Variants in BDKRB1 observed in about 807,000 individuals in gnomAD.
BDKRB1 encodes the protein bradykinin receptor B1.
For synonymous variants in BDKRB1, 192 were observed against 189.1 expected (o/e 1.02, Z -0.13); for missense variants, 414 against 441.4 (o/e 0.94, Z 0.56).
At chr14:96,258,284 A>G (rs1169972304) in intron 1 of BDKRB1, among the ~76,000 whole-genome samples, 2 of 152,094 alleles carry the variant, frequency 1.3e-5, no homozygotes, top group African/African-American at 2.4e-5. Context: ...ACAAGAATGT[A>G]TTTTCTTCAG....
intron 1 of BDKRB1, among the ~76,000 whole-genome samples, chr14:96,257,704 TG>T: frequency 6.6e-6 from 1 of 152,312 alleles, no homozygotes; most frequent in African/African-American, 2.4e-5. Context: ...TGCCAGCCTC[TG>T]TCACCATAGA....
intron 1 of BDKRB1, among the ~76,000 whole-genome samples, chr14:96,258,340 T>G (rs774545469): frequency 3.3e-5 from 5 of 152,218 alleles, no homozygotes; most frequent in Non-Finnish European, 5.9e-5. Flanking sequence ...GCCTGAAATC[T>G]TTTTTCCACA....
rs540558937 is a variant in BDKRB1 at position 96,264,436 on chromosome 14, A to T, written c.754A>T (p.Ile252Phe). 1 of 1,614,178 alleles carries T rather than the reference A, an allele frequency of 6.2e-7. No individual in the cohort carries two copies. The highest frequency in any genetic ancestry group is 1.7e-5 in the Admixed American group (1 of 60,024). ...GRKDSKTTALILTLVVAFLVC... is the reference protein window; with the variant it reads ...GRKDSKTTALFLTLVVAFLVC... ...CAAGGATAGCAAGACCACAGCGCTG[A>T]TCCTCACGCTCGTGGTTGCCTTCCT... Residue 252 changes from isoleucine (I) to phenylalanine (F), a missense_variant, in exon 3 of 3, where the codon ATC becomes TTC. Ile to Phe is a conservative substitution (Grantham distance 21, BLOSUM62 0). Coordinates refer to ENST00000216629, the MANE Select transcript of BDKRB1 (RefSeq NM_000710.4).
intron 2 of BDKRB1, among the ~76,000 whole-genome samples, chr14:96,262,979 C>T (rs1885792646): frequency 6.6e-6 from 1 of 152,180 alleles, no homozygotes; most frequent in East Asian, 1.9e-4. Flanking sequence ...ACTGTCCCCA[C>T]CCCGGCCACC....
Position 96,264,340 on chromosome 14 carries a change from T to C in BDKRB1, c.658T>C (p.Phe220Leu). The change falls in exon 3 of 3, where the codon TTC becomes CTC. Residue 220 changes from phenylalanine (F) to leucine (L), a missense_variant. Transcript: ENST00000216629. Reference sequence around the variant, plus strand: ...CCTCCTACCACTGGCTGCGATCGTCTTCTTCAACTACCACATCCTGGCCTC... The same window carrying C: ...CCTCCTACCACTGGCTGCGATCGTCCTCTTCAACTACCACATCCTGGCCTC... ...GFLLPLAAIVFFNYHILASLR... is the reference protein window; with the variant it reads ...GFLLPLAAIVLFNYHILASLR... The C allele has an allele frequency of 6.2e-7, 1 of 1,614,216 alleles. No individual in the cohort carries two copies. Among genetic ancestry groups the C allele is most frequent in the Non-Finnish European group, 8.5e-7 (1 of 1,180,032 alleles).
At position 96,262,695 on chromosome 14, in the gene BDKRB1, A is replaced by G. The variant is rs999039715; in HGVS notation, c.-86A>G. 6.8e-6 allele frequency: 3 copies of G among 443,578 alleles called. No homozygotes were observed. Among genetic ancestry groups the G allele is most frequent in the South Asian group, 1.6e-5 (1 of 63,752 alleles). 27.5% of individuals were successfully genotyped at this position (443,578 alleles called of 1,614,324 possible). A position where few individuals can be genotyped will look rare whatever the true frequency, so the allele number is the denominator to read the frequency against. On this transcript the variant is annotated 5_prime_UTR_variant, in exon 2 of 3. Coordinates refer to ENST00000216629, the MANE Select transcript of BDKRB1 (RefSeq NM_000710.4). ...CAGACTGAAGTGCAGTGGCACAATC[A>G]TAGCTCGCTGCAGCCTCGACCTTCC...
Position 96,257,826 on chromosome 14 carries a change from A to T in BDKRB1, c.-130+1526A>T, listed in dbSNP as rs1236884800. 2.0e-5 allele frequency among the ~76,000 whole-genome samples: 3 copies of T among 151,646 alleles called. No homozygotes were observed. In the East Asian group the frequency reaches 5.8e-4, roughly 29 times the overall value. ...TCAAAAATTATTTCCCCCAAAAATT[A>T]GTATTTACAGGTAGAAAGAGAGAGG... On this transcript the variant is annotated intron_variant, in intron 1 of 2. Coordinates refer to ENST00000216629, the MANE Select transcript of BDKRB1 (RefSeq NM_000710.4).
In BDKRB1 at chr14:96,263,799, G is replaced by A; in HGVS notation, c.117G>A (p.Val39=). ...APEAWDLLHR[V]LPTFIISICF... is the part of the protein sequence containing the mutation. ...AAGCCTGGGACCTGCTGCACAGAGT[G>A]CTGCCAACATTTATCATCTCCATCT... Residue 39 remains valine, a synonymous_variant, in exon 3 of 3, where the codon GTG becomes GTA. Coordinates refer to ENST00000216629, the MANE Select transcript of BDKRB1 (RefSeq NM_000710.4). 1 of 1,614,208 alleles carries A rather than the reference G, an allele frequency of 6.2e-7. No individual in the cohort carries two copies. Among genetic ancestry groups the A allele is most frequent in the Non-Finnish European group, 8.5e-7 (1 of 1,180,028 alleles).
intron 1 of BDKRB1, among the ~76,000 whole-genome samples, 199 bp downstream of exon 1, chr14:96,256,499 G>C (rs1011114004): frequency 1.3e-5 from 2 of 152,102 alleles, no homozygotes; most frequent in African/African-American, 2.4e-5. Context: ...GGTCTTAATT[G>C]CTTTTCCAGA....
intron 1 of BDKRB1, 46 bp from the exon 2 acceptor site, chr14:96,262,606 C>CCTTTTTTTTTTT: frequency 1.5e-4 from 47 of 308,798 alleles, no homozygotes; most frequent in Middle Eastern, 1.1e-3. Context: ...TCTCTCTCTC[C>CCTTTTTTTTTTT]TTTTTTTTTT....
chr14:96,259,107 T>G (rs1036087977), intron 1 of BDKRB1, among the ~76,000 whole-genome samples: 1 of 152,244 alleles, frequency 6.6e-6, no homozygotes, highest in South Asian at 2.1e-4. Flanking sequence ...CATACCAGCT[T>G]TGTTTTCAAT....
rs1188228341 is a variant in BDKRB1 at position 96,264,221 on chromosome 14, C to G, written c.539C>G (p.Ala180Gly). 1.9e-6 allele frequency: 3 copies of G among 1,614,022 alleles called. No individual in the cohort carries two copies. In the South Asian group the frequency reaches 3.3e-5, roughly 18 times the overall value. Residue 180 changes from alanine (A) to glycine (G), a missense_variant, in exon 3 of 3, where the codon GCC becomes GGC. Ala to Gly is a moderately conservative substitution (Grantham distance 60, BLOSUM62 0). Coordinates refer to ENST00000216629, the MANE Select transcript of BDKRB1 (RefSeq NM_000710.4). Reference sequence around the variant, plus strand: ...ACATTCCTGCTGCGATCCATCCAAGCCGTCCCAGATCTGAACATCACCGCC... The same window carrying G: ...ACATTCCTGCTGCGATCCATCCAAGGCGTCCCAGATCTGAACATCACCGCC... ...IPTFLLRSIQ[A>G]VPDLNITACI...
chr14:96,264,179 G>T lies in BDKRB1; in HGVS notation c.497G>T (p.Gly166Val). The change falls in exon 3 of 3, where the codon GGC becomes GTC. Residue 166 changes from glycine (G) to valine (V), a missense_variant. Transcript: ENST00000216629. ...VTCVLIWVVG[G>V]LLSIPTFLLR... Reference sequence around the variant, plus strand: ...TGCGTGCTCATCTGGGTTGTGGGGGGCCTCTTGAGCATCCCCACATTCCTG... The same window carrying T: ...TGCGTGCTCATCTGGGTTGTGGGGGTCCTCTTGAGCATCCCCACATTCCTG... 6.2e-7 allele frequency: 1 copy of T among 1,607,856 alleles called. No homozygotes were observed. The highest frequency in any genetic ancestry group is 1.1e-5 in the South Asian group (1 of 90,296).
At position 96,264,399 on chromosome 14, in the gene BDKRB1, G is replaced by A. The variant is rs772887692; in HGVS notation, c.717G>A (p.Arg239=). 16 of 1,614,226 alleles carry A rather than the reference G, an allele frequency of 9.9e-6. No homozygotes were observed. The East Asian group carries it at 2.5e-4, about 25-fold the overall frequency. Residue 239 remains arginine, a synonymous_variant, in exon 3 of 3, where the codon AGG becomes AGA. Transcript: ENST00000216629. ...LRTREEVSRT[R]CGGRKDSKTT... ...CGCGGGAGGAGGTCAGCAGGACAAG[G>A]TGCGGGGGCCGCAAGGATAGCAAGA... is the stretch of plus-strand genomic sequence containing the variant.
chr14:96,264,736 C>A lies in BDKRB1; in HGVS notation c.1054C>A (p.Arg352=). 6.2e-7 allele frequency: 1 copy of A among 1,606,662 alleles called. No individual in the cohort carries two copies. The highest frequency in any genetic ancestry group is 8.5e-7 in the Non-Finnish European group (1 of 1,177,416). Residue 352 remains arginine, a synonymous_variant, in exon 3 of 3, where the codon CGG becomes AGG. Transcript: ENST00000216629. ...GAAAGAAATCTTCCAACTTTTCTGG[C>A]GGAATTAAAACAGCATTGAACCAAG... is the stretch of plus-strand genomic sequence containing the variant. ...HRKEIFQLFW[R]N
At chr14:96,258,034 A>AG (rs34002549) in intron 1 of BDKRB1, among the ~76,000 whole-genome samples, 8,597 of 151,892 alleles carry the variant, frequency 0.057, 315 homozygotes, top group East Asian at 0.13. Context: ...AGGGGAAAAA[A>AG]TCCAACAAAA....
intron 1 of BDKRB1, among the ~76,000 whole-genome samples, chr14:96,258,155 A>G (rs1885662302): frequency 6.6e-6 from 1 of 152,246 alleles, no homozygotes; most frequent in Non-Finnish European, 1.5e-5. Flanking sequence ...AAAAGAAAAC[A>G]TGTTTATGTT....
rs34474132 is a variant in BDKRB1 at position 96,262,606 on chromosome 14, C to CTTTTTTTTTTTTTTTTT, written c.-129-42_-129-26dup. 2.6e-3 allele frequency: 797 copies of CTTTTTTTTTTTTTTTTT among 310,862 alleles called. 3 individuals carry two copies. The highest frequency in any genetic ancestry group is 5.2e-3 in the Middle Eastern group (5 of 958). 19.3% of individuals were successfully genotyped at this position (310,862 alleles called of 1,614,324 possible). Reference sequence around the variant, plus strand: ...TTTTTCTTTTCTCTCTCTCTCTCTCCTTTTTTTTTTTTTTTTTTTTGTTGT... The same window carrying CTTTTTTTTTTTTTTTTT: ...TTTTTCTTTTCTCTCTCTCTCTCTCCTTTTTTTTTTTTTTTTTTTTTTTTTTTTTTTTTTTTTGTTGT... On this transcript the variant is annotated intron_variant, in intron 1 of 2. Transcript: ENST00000216629.
Position 96,256,270 on chromosome 14 carries a change from A to G in BDKRB1, c.-160A>G, listed in dbSNP as rs1885614122. 6.6e-6 allele frequency: 1 copy of G among 152,078 alleles called. No individual in the cohort carries two copies. Among genetic ancestry groups the G allele is most frequent in the Non-Finnish European group, 1.5e-5 (1 of 68,020 alleles). The allele number at this position is 152,078 out of a possible 1,614,324, so 9.4% of individuals were successfully genotyped here. On this transcript the variant is annotated 5_prime_UTR_variant, in exon 1 of 3. Transcript: ENST00000216629. ...GCTCTCACTATCAGAAAACCCAACT[A>G]CAGTTGTGAACGCCTTCATTTTCTG...
Sources: allele counts gnomAD v4.1 joint callset (sites outside exome capture counted in the v4.1 genomes callset), GRCh38; gene constraint gnomAD v4.1.1; transcripts MANE v1.5; gene names NCBI Gene and HGNC (gene_info 2026-07-23, HGNC 2026-07-21).